The following CIMIP1 variants were observed in gnomAD, a reference collection of about 807,000 sequenced individuals.
The protein encoded by CIMIP1 is ciliary microtubule inner protein 1.
the CIMIP1 span, chr20:58,153,393 G>C: frequency 1.6e-6 from 1 of 635,296 alleles, no homozygotes; most frequent in Admixed American, 2.5e-5. Context: ...GAGGTGCTCA[G>C]CATCAGAGGT....
chr20:58,155,560 G>A, the CIMIP1 span: 2 of 1,612,724 alleles, frequency 1.2e-6, no homozygotes, highest in African/African-American at 2.7e-5. Context: ...CAGTGGAGAA[G>A]TACATCAAGG....
chr20:58,154,788 C>G, the CIMIP1 span, among the ~76,000 whole-genome samples: 1 of 152,044 alleles, frequency 6.6e-6, no homozygotes, highest in African/African-American at 2.4e-5. Context: ...GTCCTGAAAA[C>G]TTTTTGGCAT....
At chr20:58,157,315 G>A in the CIMIP1 span, among the ~76,000 whole-genome samples, 1 of 152,136 alleles carries the variant, frequency 6.6e-6, no homozygotes, top group Non-Finnish European at 1.5e-5. Context: ...TTGCAGATGG[G>A]AAAGCTGAAG....
At chr20:58,153,401 G>A in the CIMIP1 span, 2 of 647,454 alleles carry the variant, frequency 3.1e-6, no homozygotes, top group Non-Finnish European at 5.6e-6. Flanking sequence ...CAGCATCAGA[G>A]GTTCTCACGC....
At chr20:58,153,355 G>A in the CIMIP1 span, among the ~76,000 whole-genome samples, 1 of 152,242 alleles carries the variant, frequency 6.6e-6, no homozygotes, top group Non-Finnish European at 1.5e-5. Context: ...TCTCTCTTTC[G>A]TTAGCCACGT....
chr20:58,156,746 T>G, the CIMIP1 span, among the ~76,000 whole-genome samples: 1 of 152,304 alleles, frequency 6.6e-6, no homozygotes, highest in African/African-American at 2.4e-5. Flanking sequence ...CTAGAAACAG[T>G]TGAGCTCCAT....
chr20:58,156,710 C>A, the CIMIP1 span, among the ~76,000 whole-genome samples: 515 of 152,298 alleles, frequency 3.4e-3, 5 homozygotes, highest in African/African-American at 0.012. Context: ...GAAGCCTGCA[C>A]CACGGCGGAC....
the CIMIP1 span, among the ~76,000 whole-genome samples, chr20:58,157,576 T>C: frequency 6.6e-6 from 1 of 152,220 alleles, no homozygotes; most frequent in Non-Finnish European, 1.5e-5. Flanking sequence ...AAAAAAGCAC[T>C]CTAAATAGCT....
At chr20:58,160,853 C>T in the CIMIP1 span, 10 of 1,590,580 alleles carry the variant, frequency 6.3e-6, no homozygotes, top group East Asian at 1.6e-4. Flanking sequence ...AGGGGTGCTG[C>T]ATATCGGTCA....
At chr20:58,150,935 C>T in the CIMIP1 span, 1 of 1,586,700 alleles carries the variant, frequency 6.3e-7, no homozygotes. Context: ...AGGGCCAGAG[C>T]TTGCGGGGCG....
the CIMIP1 span, among the ~76,000 whole-genome samples, chr20:58,159,522 G>GA: frequency 7.1e-4 from 105 of 147,984 alleles, no homozygotes; most frequent in South Asian, 0.011. Context: ...CTAAAAAAAG[G>GA]AAAAAAAAAA....
the CIMIP1 span, among the ~76,000 whole-genome samples, chr20:58,154,703 G>A: frequency 6.6e-6 from 1 of 152,180 alleles, no homozygotes; most frequent in Non-Finnish European, 1.5e-5. Flanking sequence ...ATTAAATTGG[G>A]TTTTCAAAAA....
the CIMIP1 span, among the ~76,000 whole-genome samples, chr20:58,154,845 T>C: frequency 6.6e-6 from 1 of 152,240 alleles, no homozygotes; most frequent in Admixed American, 6.5e-5. Flanking sequence ...TCTGGATCTG[T>C]CACCCAGGCT....
chr20:58,153,735 C>G, the CIMIP1 span: 2 of 815,964 alleles, frequency 2.5e-6, no homozygotes, highest in Non-Finnish European at 4.0e-6. Flanking sequence ...ATGTTGTAGG[C>G]AAAGATCACT....
At chr20:58,159,780 C>A in the CIMIP1 span, among the ~76,000 whole-genome samples, 75 of 152,194 alleles carry the variant, frequency 4.9e-4, no homozygotes, top group Non-Finnish European at 9.6e-4. Context: ...GAAGCTTTGG[C>A]CCCTCTGTCA....
At chr20:58,155,583 T>G in the CIMIP1 span, 9 of 1,594,952 alleles carry the variant, frequency 5.6e-6, no homozygotes, top group Non-Finnish European at 7.7e-6. Flanking sequence ...TGAAACGTTT[T>G]TAAATACTCA....
the CIMIP1 span, among the ~76,000 whole-genome samples, chr20:58,157,895 C>T: frequency 4.6e-5 from 7 of 152,130 alleles, no homozygotes; most frequent in Non-Finnish European, 1.0e-4. Flanking sequence ...TTTTCCAGAG[C>T]TGGGCTTTAA....
At chr20:58,159,063 C>T in the CIMIP1 span, among the ~76,000 whole-genome samples, 2 of 152,306 alleles carry the variant, frequency 1.3e-5, no homozygotes, top group African/African-American at 4.8e-5. Context: ...TTACAAACAG[C>T]TCCGCAAGGC....
At chr20:58,152,309 C>T in the CIMIP1 span, among the ~76,000 whole-genome samples, 1 of 152,122 alleles carries the variant, frequency 6.6e-6, no homozygotes, top group African/African-American at 2.4e-5. Flanking sequence ...AGACCCAAAT[C>T]TAAGTGACCC....
Sources: allele counts gnomAD v4.1 joint callset (sites outside exome capture counted in the v4.1 genomes callset), GRCh38; gene constraint gnomAD v4.1.1; transcripts MANE v1.5; gene names NCBI Gene and HGNC (gene_info 2026-07-23, HGNC 2026-07-21).